Variants in SUGCT observed in about 807,000 individuals in gnomAD.
The protein encoded by SUGCT is succinyl-CoA:glutarate-CoA transferase, also known as succinyl-CoA:glutarate CoA-transferase.
A neutral mutation model predicts 55.0 loss-of-function variants in SUGCT; 41 were observed. The observed-to-expected ratio is 0.74, with a 90% CI of 0.58 to 0.97. The LOEUF is 0.97. SUGCT is among the 50% of genes least tolerant of loss of function. The probability of loss-of-function intolerance (pLI) is 0.00; values close to 1 mark genes in which losing one functional copy is unlikely to be tolerated. For synonymous variants in SUGCT, 187 were observed against 200.4 expected, an observed-to-expected ratio of 0.93 and a Z score of 0.56; for missense variants, 568 against 547.8, an observed-to-expected ratio of 1.04 and a Z score of -0.37.
intron 11 of SUGCT, among the ~76,000 whole-genome samples, chr7:40,476,748 A>G (rs116021724): frequency 0.019 from 2,849 of 151,960 alleles, 88 homozygotes; most frequent in African/African-American, 0.065. Flanking sequence ...ATTGAATATT[A>G]CTGTACAAAT....
the SUGCT span, among the ~76,000 whole-genome samples, chr7:40,969,024 G>A: frequency 2.4e-4 from 36 of 152,320 alleles, no homozygotes; most frequent in African/African-American, 7.9e-4. Context: ...TGCTCCAGCC[G>A]GCCCCACGAG....
intron 7 of SUGCT, among the ~76,000 whole-genome samples, chr7:40,269,735 T>A (rs750389839): frequency 2.4e-4 from 36 of 152,234 alleles, no homozygotes; most frequent in Admixed American, 6.5e-4. Flanking sequence ...TCTTTACGTG[T>A]GTTTAATGAC....
intron 12 of SUGCT, among the ~76,000 whole-genome samples, chr7:40,609,009 C>T (rs1300053364): frequency 1.3e-5 from 2 of 152,080 alleles, no homozygotes; most frequent in African/African-American, 4.8e-5. Context: ...GCCTAGTATC[C>T]TGTATTCTGC....
chr7:40,757,742 A>G (rs1308233703), intron 13 of SUGCT, among the ~76,000 whole-genome samples: 1 of 152,182 alleles, frequency 6.6e-6, no homozygotes, highest in Non-Finnish European at 1.5e-5. Flanking sequence ...ATAGAAATCA[A>G]AAGAAAAATA....
At chr7:40,914,329 C>T in the SUGCT span, among the ~76,000 whole-genome samples, 5 of 143,754 alleles carry the variant, frequency 3.5e-5, no homozygotes, top group African/African-American at 1.3e-4. Context: ...GCACATTGTG[C>T]AGGTTAGTTA....
At chr7:40,925,088 G>A in the SUGCT span, among the ~76,000 whole-genome samples, 1 of 152,196 alleles carries the variant, frequency 6.6e-6, no homozygotes, top group East Asian at 1.9e-4. Flanking sequence ...AAGGAAGAGA[G>A]CTATAGCAGG....
chr7:41,007,090 A>G, the SUGCT span, among the ~76,000 whole-genome samples: 1 of 93,620 alleles, frequency 1.1e-5, no homozygotes, highest in Non-Finnish European at 2.4e-5. Context: ...TCTTAAGCTT[A>G]GAGATTCAGT....
chr7:40,324,261 A>ATATATATATATATATTTT (rs377215730), intron 9 of SUGCT, among the ~76,000 whole-genome samples: 1 of 99,980 alleles, frequency 1.0e-5, no homozygotes, highest in Non-Finnish European at 2.0e-5. Context: ...AAATATATAT[A>ATATATATATATATATTTT]TATTTATTTT....
intron 12 of SUGCT, among the ~76,000 whole-genome samples, chr7:40,534,159 C>G (rs549372996): frequency 1.3e-5 from 2 of 152,242 alleles, no homozygotes; most frequent in South Asian, 4.1e-4. Context: ...TCTCTTAAGA[C>G]TAATGAAACT....
At chr7:40,917,221 T>C in the SUGCT span, among the ~76,000 whole-genome samples, 6 of 152,246 alleles carry the variant, frequency 3.9e-5, no homozygotes, top group Non-Finnish European at 7.3e-5. Flanking sequence ...TTTTGTATCT[T>C]CGACTCTTCT....
intron 12 of SUGCT, among the ~76,000 whole-genome samples, chr7:40,660,173 G>T (rs1011737399): frequency 2.0e-5 from 3 of 152,148 alleles, no homozygotes; most frequent in Non-Finnish European, 4.4e-5. Context: ...GCTGAGAGAG[G>T]CTCTCCCATA....
In SUGCT at chr7:40,222,959, A is replaced by G. The variant is rs767909422; in HGVS notation, c.485-14676A>G. ...TTCTTAATTTTTGGCACAAGCACAC[A>G]TCTTATTTTATTTTATTTTTCATTT... On this transcript the variant is annotated intron_variant, in intron 6 of 13. Coordinates refer to ENST00000335693, the MANE Select transcript of SUGCT (RefSeq NM_001193313.2). Among the ~76,000 whole-genome samples the G allele has an allele frequency of 5.8e-4, 88 of 151,828 alleles. 1 individual carries two copies. The highest frequency in any genetic ancestry group is 1.1e-3 in the Non-Finnish European group (72 of 67,898).
intron 9 of SUGCT, among the ~76,000 whole-genome samples, chr7:40,436,356 T>G (rs1418190139): frequency 6.6e-6 from 1 of 152,208 alleles, no homozygotes; most frequent in Non-Finnish European, 1.5e-5. Context: ...GCAGGCCTAA[T>G]TTCAGGGCCT....
chr7:40,198,282 C>T (rs1388796945), intron 6 of SUGCT, among the ~76,000 whole-genome samples: 2 of 152,204 alleles, frequency 1.3e-5, no homozygotes, highest in African/African-American at 2.4e-5. Context: ...GTTTAAAACT[C>T]AGGCTTCTTG....
intron 3 of SUGCT, among the ~76,000 whole-genome samples, chr7:40,182,995 G>C (rs1785303712): frequency 6.6e-6 from 1 of 152,218 alleles, no homozygotes; most frequent in Non-Finnish European, 1.5e-5. Flanking sequence ...ACCTAAGGCT[G>C]GGCGTGGTGG....
chr7:41,031,480 G>C, the SUGCT span, among the ~76,000 whole-genome samples: 1 of 152,206 alleles, frequency 6.6e-6, no homozygotes, highest in Non-Finnish European at 1.5e-5. Flanking sequence ...GGTAAAAATA[G>C]TCTTTTCCAG....
At chr7:40,947,961 C>G in the SUGCT span, among the ~76,000 whole-genome samples, 8 of 152,188 alleles carry the variant, frequency 5.3e-5, no homozygotes, top group Non-Finnish European at 1.0e-4. Context: ...TTTATCTTAT[C>G]CAGCATGCAG....
chr7:40,647,088 C>A (rs1265581093), intron 12 of SUGCT, among the ~76,000 whole-genome samples: 2 of 152,106 alleles, frequency 1.3e-5, no homozygotes, highest in African/African-American at 4.8e-5. Context: ...CTTGACAGGG[C>A]AAAGCAGGAA....
At chr7:40,165,984 T>A (rs1445182007) in intron 1 of SUGCT, among the ~76,000 whole-genome samples, 2 of 152,120 alleles carry the variant, frequency 1.3e-5, no homozygotes, top group African/African-American at 4.8e-5. Context: ...TTGCTGGATG[T>A]GGTGGCACAC....
Sources: allele counts gnomAD v4.1 joint callset (sites outside exome capture counted in the v4.1 genomes callset), GRCh38; gene constraint gnomAD v4.1.1; transcripts MANE v1.5; gene names NCBI Gene and HGNC (gene_info 2026-07-23, HGNC 2026-07-21).